The following LARS2 variants were observed in gnomAD, a reference collection of about 807,000 sequenced individuals.
The protein encoded by LARS2 is leucyl-tRNA synthetase 2, mitochondrial.
A neutral mutation model predicts 116.6 loss-of-function variants in LARS2; 81 were observed. That is an observed-to-expected ratio of 0.69 (90% CI 0.58 to 0.84). The LOEUF (loss-of-function observed/expected upper bound fraction) is 0.84, where lower values mean the gene tolerates loss of function less well. Among genes scored for constraint, LARS2 ranks in the 40% least tolerant of loss-of-function variants. The pLI, the probability that LARS2 is intolerant of heterozygous loss-of-function variation, is 0.00. For missense variants in LARS2, 968 were observed against 1,114.5 expected (o/e 0.87, Z 1.87); for synonymous variants, 396 against 407.2 (o/e 0.97, Z 0.33).
At chr3:45,514,216 A>G (rs1405848093) in intron 16 of LARS2, among the ~76,000 whole-genome samples, 1 of 151,980 alleles carries the variant, frequency 6.6e-6, no homozygotes, top group Non-Finnish European at 1.5e-5. Context: ...AAAAAAAAAA[A>G]AGAAAGAAAG....
At chr3:45,503,433 G>T (rs1415974459) in intron 15 of LARS2, among the ~76,000 whole-genome samples, 13 of 152,020 alleles carry the variant, frequency 8.6e-5, no homozygotes, top group Non-Finnish European at 4.4e-5. Flanking sequence ...TTTAGGTTTG[G>T]TGTCCCATCT....
intron 13 of LARS2, among the ~76,000 whole-genome samples, chr3:45,495,079 A>G (rs1244448197): frequency 6.6e-6 from 1 of 152,128 alleles, no homozygotes; most frequent in East Asian, 1.9e-4. Context: ...AAATAAAAAT[A>G]ATGAGTGTAA....
chr3:45,505,627 G>T (rs1700190459), intron 15 of LARS2, among the ~76,000 whole-genome samples: 1 of 151,920 alleles, frequency 6.6e-6, no homozygotes, highest in African/African-American at 2.4e-5. Context: ...GGAGTTCAAG[G>T]CTGCAGTGAG....
chr3:45,444,026 A>G (rs1414821209), intron 6 of LARS2, among the ~76,000 whole-genome samples: 3 of 140,046 alleles, frequency 2.1e-5, no homozygotes, highest in Non-Finnish European at 4.6e-5. Flanking sequence ...TTTTTCTGAG[A>G]CAGAGTCTTG....
chr3:45,468,121 T>G (rs77633912), intron 8 of LARS2, among the ~76,000 whole-genome samples: 2,377 of 152,248 alleles, frequency 0.016, 47 homozygotes, highest in African/African-American at 0.055. Flanking sequence ...ATTATTATCA[T>G]TTTGATAATC....
intron 6 of LARS2, among the ~76,000 whole-genome samples, chr3:45,445,156 T>C (rs920085030): frequency 2.0e-5 from 3 of 152,194 alleles, no homozygotes; most frequent in African/African-American, 7.2e-5. Flanking sequence ...TCAAATTTGA[T>C]TCAATGTCAG....
At position 45,548,412 on chromosome 3, in the gene LARS2, G is replaced by A. The variant is rs949924139; in HGVS notation, c.*882G>A. ...AGTAGGGATGCAGCACGCCCCAGAG[G>A]GCTCATGTGGGCCCCAGATGGCAAT... On this transcript the variant is annotated 3_prime_UTR_variant, in exon 22 of 22. Transcript: ENST00000645846. 3.9e-5 allele frequency: 6 copies of A among 152,288 alleles called. No individual in the cohort carries two copies. The highest frequency in any genetic ancestry group is 7.2e-5 in the African/African-American group (3 of 41,458). The allele number at this position is 152,288 out of a possible 1,614,324, so 9.4% of individuals were successfully genotyped here.
At chr3:45,481,782 AGTT>A (rs957338023) in intron 10 of LARS2, among the ~76,000 whole-genome samples, 18 of 152,182 alleles carry the variant, frequency 1.2e-4, no homozygotes, top group Admixed American at 5.2e-4. Flanking sequence ...TAATCTACTA[AGTT>A]GTTCTCAACT....
intron 7 of LARS2, 87 bp downstream of exon 7, chr3:45,447,067 C>A: frequency 1.3e-6 from 1 of 751,784 alleles, no homozygotes; most frequent in South Asian, 1.7e-5. Flanking sequence ...AACGCTACCT[C>A]AAGTTCATAA....
intron 2 of LARS2, among the ~76,000 whole-genome samples, chr3:45,393,196 A>G (rs1205925742): frequency 1.3e-5 from 2 of 152,136 alleles, no homozygotes; most frequent in African/African-American, 4.8e-5. Context: ...CCGTGACCAC[A>G]TGTTATATAT....
intron 15 of LARS2, among the ~76,000 whole-genome samples, chr3:45,511,930 C>T (rs1489444440): frequency 6.6e-6 from 1 of 151,952 alleles, no homozygotes; most frequent in Non-Finnish European, 1.5e-5. Flanking sequence ...TGCGCGCCCC[C>T]ACACCTGGCC....
At chr3:45,491,485 G>A in intron 12 of LARS2, 32 bp from the exon 13 acceptor site, 3 of 1,608,668 alleles carry the variant, frequency 1.9e-6, no homozygotes, top group Non-Finnish European at 2.6e-6. Flanking sequence ...GCTATGCGGA[G>A]AGGAGTGAGC....
intron 9 of LARS2, among the ~76,000 whole-genome samples, chr3:45,475,597 A>G (rs769784306): frequency 6.6e-6 from 1 of 152,186 alleles, no homozygotes; most frequent in Non-Finnish European, 1.5e-5. Context: ...TGTGTGGAAT[A>G]TCTTCTACAC....
At chr3:45,400,637 A>T (rs1339641092) in intron 4 of LARS2, among the ~76,000 whole-genome samples, 1 of 152,114 alleles carries the variant, frequency 6.6e-6, no homozygotes, top group Non-Finnish European at 1.5e-5. Flanking sequence ...GTAGATACAA[A>T]TGTGGATAAC....
intron 12 of LARS2, 128 bp from the exon 13 acceptor site, chr3:45,491,389 G>C (rs1699911659): frequency 2.1e-6 from 2 of 944,510 alleles, no homozygotes; most frequent in African/African-American, 1.6e-5. Flanking sequence ...TGAAAGTTAT[G>C]ACACAGCTCT....
intron 6 of LARS2, among the ~76,000 whole-genome samples, chr3:45,429,545 T>G (rs1423321915): frequency 6.6e-6 from 1 of 152,176 alleles, no homozygotes; most frequent in Non-Finnish European, 1.5e-5. Context: ...ACCCATTTGA[T>G]TACATTGGGC....
intron 3 of LARS2, among the ~76,000 whole-genome samples, chr3:45,399,770 T>C (rs1698111934): frequency 6.6e-6 from 1 of 152,046 alleles, no homozygotes; most frequent in South Asian, 2.1e-4. Context: ...CTATTTGTAG[T>C]CTTTTATCCT....
rs1420799006 is a variant in LARS2, at chr3:45,520,283, G to A, written c.2279G>A (p.Ser760Asn). ...GCAATTTCTCAGCTGATGGGACTCAGCAATGCCCTCTCGGTAAGTGGCCTG... is the reference window on the plus strand; with the variant it reads ...GCAATTTCTCAGCTGATGGGACTCAACAATGCCCTCTCGGTAAGTGGCCTG... Reference protein sequence around the residue: ...NSAISQLMGLSNALSQASQSV... With the variant: ...NSAISQLMGLNNALSQASQSV... Residue 760 changes from serine (S) to asparagine (N), a missense_variant, in exon 19 of 22, where the codon AGC (serine) becomes AAC (asparagine). Transcript: ENST00000645846. 1.9e-6 allele frequency: 3 copies of A among 1,613,072 alleles called. No homozygotes were observed. The highest frequency in any genetic ancestry group is 2.5e-6 in the Non-Finnish European group (3 of 1,179,062).
chr3:45,515,781 CT>C (rs1411896440), intron 16 of LARS2, among the ~76,000 whole-genome samples: 2 of 152,124 alleles, frequency 1.3e-5, no homozygotes, highest in African/African-American at 4.8e-5. Context: ...TTTTACTTTC[CT>C]TTTTTGTGTA....
Sources: gnomAD v4.1 joint callset for allele counts (sites outside exome capture counted in the v4.1 genomes callset) on GRCh38, gnomAD v4.1.1 for gene constraint, MANE v1.5 for transcripts, NCBI Gene and HGNC (gene_info 2026-07-23, HGNC 2026-07-21) for gene names.